Variants in GJB4 observed in about 807,000 individuals in gnomAD.
GJB4 encodes the protein gap junction beta-4 protein.
For missense variants in GJB4, 371 were observed against 363.8 expected (o/e 1.02, Z -0.16); for synonymous variants, 162 against 158.1 (o/e 1.02, Z -0.18).
rs1363451590 is a variant in GJB4, at chr1:34,762,003, C to G, written c.749C>G (p.Ser250Cys). 8 of 1,614,176 alleles carry G rather than the reference C, an allele frequency of 5.0e-6. No homozygotes were observed. Among genetic ancestry groups the G allele is most frequent in the Non-Finnish European group, 6.8e-6 (8 of 1,180,012 alleles). ...GGAGGGCACCCTGAGGATGGGAACT[C>G]TGTCCTAATGAAGGCTGGGTCGGCC... is the stretch of plus-strand genomic sequence containing the variant. Reference protein sequence around the residue: ...SQGGHPEDGNSVLMKAGSAPV... With the variant: ...SQGGHPEDGNCVLMKAGSAPV... The change falls in exon 2 of 2, where the codon TCT (serine) becomes TGT (cysteine). Residue 250 changes from serine to cysteine, a missense_variant. Physicochemically the swap from Ser to Cys is moderately radical, Grantham distance 112. Transcript: ENST00000339480.
At chr1:34,760,211 G>T (rs1035925142) in intron 1 of GJB4, among the ~76,000 whole-genome samples, 5 of 152,062 alleles carry the variant, frequency 3.3e-5, no homozygotes, top group Non-Finnish European at 4.4e-5. Flanking sequence ...TGAAGAGGCT[G>T]AGAGCAGAGT....
At position 34,762,172 on chromosome 1, in the gene GJB4, G is replaced by GA; in HGVS notation, c.*117_*118insA. The GA allele has an allele frequency of 1.9e-6, 2 of 1,076,090 alleles. No individual in the cohort carries two copies. The highest frequency in any genetic ancestry group is 2.8e-6 in the Non-Finnish European group (2 of 717,468). 66.7% of individuals were successfully genotyped at this position (1,076,090 alleles called of 1,614,324 possible). A position where few individuals can be genotyped will look rare whatever the true frequency, so the allele number is the denominator to read the frequency against. Reference sequence around the variant, plus strand: ...GGGTGGTGAGGAGGGTGGCTGTGGGGGCTCAGGAAGCTCGCCCAGGGGCCA... The same window carrying GA: ...GGGTGGTGAGGAGGGTGGCTGTGGGGAGCTCAGGAAGCTCGCCCAGGGGCCA... On this transcript the variant is annotated 3_prime_UTR_variant, in exon 2 of 2. Transcript: ENST00000339480.
Position 34,761,070 on chromosome 1 carries a change from C to T in GJB4, c.-185C>T. On this transcript the variant is annotated 5_prime_UTR_variant, in exon 2 of 2. Transcript: ENST00000339480. The surrounding 1 kb of genome is among the most constrained non-coding windows in gnomAD (Gnocchi z 4.4). Reference sequence around the variant, plus strand: ...GAAATGAGGACAGGGGCAATCCCTACCCTACCAAGTCATTGGGAGTGAAGA... The same window carrying T: ...GAAATGAGGACAGGGGCAATCCCTATCCTACCAAGTCATTGGGAGTGAAGA... The T allele has an allele frequency of 1.5e-6, 1 of 662,644 alleles. No individual in the cohort carries two copies. The highest frequency in any genetic ancestry group is 1.7e-5 in the South Asian group (1 of 58,430). 41.0% of individuals were successfully genotyped at this position (662,644 alleles called of 1,614,324 possible). A position where few individuals can be genotyped will look rare whatever the true frequency, so the allele number is the denominator to read the frequency against.
Position 34,761,791 on chromosome 1 carries a change from G to T in GJB4, c.537G>T (p.Arg179=). The change falls in exon 2 of 2, where the codon CGG becomes CGT. Residue 179 remains arginine (R), a synonymous_variant. Coordinates refer to ENST00000339480, the MANE Select transcript of GJB4 (RefSeq NM_153212.3). This position sits in a 1 kb window ranked among gnomAD's most constrained non-coding sequence, Gnocchi z 4.4. ...ACACTGTGGACTGTTACATCTCCCG[G>T]CCCACGGAGAAGAAGGTCTTCACCT... The part of the protein sequence containing the change: ...CPHTVDCYIS[R]PTEKKVFTYF... The T allele has an allele frequency of 6.2e-7, 1 of 1,614,100 alleles. No homozygotes were observed. The highest frequency in any genetic ancestry group is 8.5e-7 in the Non-Finnish European group (1 of 1,180,046).
intron 1 of GJB4, among the ~76,000 whole-genome samples, chr1:34,760,397 C>T (rs1571567294): frequency 6.6e-6 from 1 of 152,202 alleles, no homozygotes; most frequent in East Asian, 1.9e-4. Context: ...GGAGGGGGTG[C>T]CCCCAGAGAA....
At position 34,761,559 on chromosome 1, in the gene GJB4, A is replaced by C. The variant is rs1639715010; in HGVS notation, c.305A>C (p.Glu102Ala). The change falls in exon 2 of 2, where the codon GAG becomes GCG. Residue 102 changes from glutamate (E) to alanine (A), a missense_variant. Glu to Ala is a moderately radical substitution (Grantham distance 107). Coordinates refer to ENST00000339480, the MANE Select transcript of GJB4 (RefSeq NM_153212.3). The surrounding 1 kb of genome is among the most constrained non-coding windows in gnomAD (Gnocchi z 4.4). The stretch of plus-strand genomic sequence containing the variant: ...CACGTGGCCTACCGCGAGGAACGCG[A>C]GCGCAAGCACCACCTGAAACACGGG... Reference protein sequence around the residue: ...VMHVAYREERERKHHLKHGPN... With the variant: ...VMHVAYREERARKHHLKHGPN... The C allele has an allele frequency of 6.2e-7, 1 of 1,614,088 alleles. No individual in the cohort carries two copies. Among genetic ancestry groups the C allele is most frequent in the Non-Finnish European group, 8.5e-7 (1 of 1,180,046 alleles).
Position 34,761,335 on chromosome 1 carries a change from G to A in GJB4, c.81G>A (p.Val27=). 2 of 1,614,076 alleles carry A rather than the reference G, an allele frequency of 1.2e-6. No homozygotes were observed. Among genetic ancestry groups the A allele is most frequent in the Non-Finnish European group, 1.7e-6 (2 of 1,179,902 alleles). Residue 27 remains valine (V), a synonymous_variant, in exon 2 of 2, where the codon GTG becomes GTA. Transcript: ENST00000339480. The surrounding 1 kb of genome is among the most constrained non-coding windows in gnomAD (Gnocchi z 4.4). ...STVLSRIWLS[V]VFIFRVLVYV... ...TGCTGAGCCGCATCTGGCTGTCTGT[G>A]GTGTTCATCTTTCGTGTGCTGGTGT...
In GJB4 at chr1:34,761,562, G is replaced by C. The variant is rs371995549; in HGVS notation, c.308G>C (p.Arg103Pro). 4 of 1,614,196 alleles carry C rather than the reference G, an allele frequency of 2.5e-6. No homozygotes were observed. In the South Asian group the frequency reaches 4.4e-5, roughly 18 times the overall value. ...MHVAYREERE[R>P]KHHLKHGPNA... ...GTGGCCTACCGCGAGGAACGCGAGC[G>C]CAAGCACCACCTGAAACACGGGCCC... Residue 103 changes from arginine (R) to proline (P), a missense_variant, in exon 2 of 2, where the codon CGC (arginine) becomes CCC (proline). Coordinates refer to ENST00000339480, the MANE Select transcript of GJB4 (RefSeq NM_153212.3). This position sits in a 1 kb window ranked among gnomAD's most constrained non-coding sequence, Gnocchi z 4.4.
Position 34,759,758 on chromosome 1 carries a change from G to A in GJB4, c.-353G>A, listed in dbSNP as rs1247957962. 1 of 152,420 alleles carries A rather than the reference G, an allele frequency of 6.6e-6. No homozygotes were observed. The highest frequency in any genetic ancestry group is 2.4e-5 in the African/African-American group (1 of 41,452). 9.4% of individuals were successfully genotyped at this position (152,420 alleles called of 1,614,324 possible). On this transcript the variant is annotated 5_prime_UTR_variant, in exon 1 of 2. Transcript: ENST00000339480. ...CCTGAGGCAAACAGACAAGCCCAAG[G>A]ACAAGGAAGCAGCTACTGGACCCAA...
In GJB4 at chr1:34,761,033, C is replaced by A; in HGVS notation, c.-222C>A. 1 of 611,292 alleles carries A rather than the reference C, an allele frequency of 1.6e-6. No individual in the cohort carries two copies. Among genetic ancestry groups the A allele is most frequent in the Non-Finnish European group, 3.0e-6 (1 of 337,498 alleles). 37.9% of individuals were successfully genotyped at this position (611,292 alleles called of 1,614,324 possible). A position where few individuals can be genotyped will look rare whatever the true frequency, so the allele number is the denominator to read the frequency against. On this transcript the variant is annotated 5_prime_UTR_variant, in exon 2 of 2. Transcript: ENST00000339480. The surrounding 1 kb of genome is among the most constrained non-coding windows in gnomAD (Gnocchi z 4.4). ...TTGGGCAGGTATCTCTGGGCCTTCA[C>A]TTACTCTTTGTGAAATGAGGACAGG... is the stretch of plus-strand genomic sequence containing the variant.
rs766751826 is a variant in GJB4 at position 34,761,846 on chromosome 1, A to G, written c.592A>G (p.Ile198Val). The G allele has an allele frequency of 1.2e-6, 2 of 1,614,202 alleles. No homozygotes were observed. Among genetic ancestry groups the G allele is most frequent in the Non-Finnish European group, 1.7e-6 (2 of 1,180,036 alleles). ...CATGGTGACCACAGCTGCCATCTGC[A>G]TCCTGCTCAACCTCAGTGAAGTCTT... The part of the protein sequence containing the change: ...YFMVTTAAIC[I>V]LLNLSEVFYL... Residue 198 changes from isoleucine to valine, a missense_variant, in exon 2 of 2, where the codon ATC becomes GTC. Transcript: ENST00000339480. The surrounding 1 kb of genome is among the most constrained non-coding windows in gnomAD (Gnocchi z 4.4).
rs1244502166 is a variant in GJB4 at position 34,761,008 on chromosome 1, T to C, written c.-247T>C. On this transcript the variant is annotated 5_prime_UTR_variant, in exon 2 of 2. Coordinates refer to ENST00000339480, the MANE Select transcript of GJB4 (RefSeq NM_153212.3). This position sits in a 1 kb window ranked among gnomAD's most constrained non-coding sequence, Gnocchi z 4.4. ...CTCTGCTACTTCCATCTGTGGACCA[T>C]TGGGCAGGTATCTCTGGGCCTTCAC... The C allele has an allele frequency of 2.8e-5, 16 of 579,748 alleles. No homozygotes were observed. Among genetic ancestry groups the C allele is most frequent in the Middle Eastern group, 4.5e-4 (1 of 2,202 alleles). The allele number at this position is 579,748 out of a possible 1,614,324, so 35.9% of individuals were successfully genotyped here. A position where few individuals can be genotyped will look rare whatever the true frequency, so the allele number is the denominator to read the frequency against.
In GJB4 at chr1:34,762,110, GA is replaced by G; in HGVS notation, c.*61del. ...GTCCCCCCCACATGAGGCCACCCAG[GA>G]AAAAAGGCAGGGGCAGTGGCATCCT... is the stretch of plus-strand genomic sequence containing the variant. On this transcript the variant is annotated 3_prime_UTR_variant, in exon 2 of 2. Transcript: ENST00000339480. 4 of 1,515,310 alleles carry G rather than the reference GA, an allele frequency of 2.6e-6. No individual in the cohort carries two copies. The highest frequency in any genetic ancestry group is 3.6e-6 in the Non-Finnish European group (4 of 1,111,430). 93.9% of individuals were successfully genotyped at this position (1,515,310 alleles called of 1,614,324 possible). A position where few individuals can be genotyped will look rare whatever the true frequency, so the allele number is the denominator to read the frequency against.
Position 34,761,821 on chromosome 1 carries a change from C to T in GJB4, c.567C>T (p.Phe189=), listed in dbSNP as rs1329679147. Residue 189 remains phenylalanine, a synonymous_variant, in exon 2 of 2, where the codon TTC becomes TTT. Transcript: ENST00000339480. The surrounding 1 kb of genome is among the most constrained non-coding windows in gnomAD (Gnocchi z 4.4). ...CGGAGAAGAAGGTCTTCACCTACTT[C>T]ATGGTGACCACAGCTGCCATCTGCA... The part of the protein sequence containing the change: ...RPTEKKVFTY[F]MVTTAAICIL... The T allele has an allele frequency of 6.2e-7, 1 of 1,614,186 alleles. No individual in the cohort carries two copies. Among genetic ancestry groups the T allele is most frequent in the Admixed American group, 1.7e-5 (1 of 60,028 alleles).
rs754084874 is a variant in GJB4, at chr1:34,761,333, G to C, written c.79G>C (p.Val27Leu). 6.2e-7 allele frequency: 1 copy of C among 1,614,062 alleles called. No homozygotes were observed. Among genetic ancestry groups the C allele is most frequent in the Non-Finnish European group, 8.5e-7 (1 of 1,179,884 alleles). ...AGTGCTGAGCCGCATCTGGCTGTCT[G>C]TGGTGTTCATCTTTCGTGTGCTGGT... is the stretch of plus-strand genomic sequence containing the variant. ...STVLSRIWLS[V>L]VFIFRVLVYV... The change falls in exon 2 of 2, where the codon GTG becomes CTG. Residue 27 changes from valine (V) to leucine (L), a missense_variant. Transcript: ENST00000339480. This position sits in a 1 kb window ranked among gnomAD's most constrained non-coding sequence, Gnocchi z 4.4.
rs762156674 is a variant in GJB4, at chr1:34,762,066, C to A, written c.*11C>A. On this transcript the variant is annotated 3_prime_UTR_variant, in exon 2 of 2. Transcript: ENST00000339480. ...GGTGGGTATCCATAACCTGCGAGAT[C>A]AGCAGATAAGATCAACAGGTCCCCC... 11 of 1,605,396 alleles carry A rather than the reference C, an allele frequency of 6.9e-6. No homozygotes were observed. Among genetic ancestry groups the A allele is most frequent in the Non-Finnish European group, 9.4e-6 (11 of 1,175,564 alleles).
rs190430492 is a variant in GJB4, at chr1:34,760,645, A to T, written c.-322-288A>T. ...CTGGAGCCAGAGGCAAGGAGTAAGG[A>T]TGCAGATTGTTCTGGGATTTACCAA... On this transcript the variant is annotated intron_variant, in intron 1 of 1. Transcript: ENST00000339480. Among the ~76,000 whole-genome samples, 3 of 152,304 alleles carry T rather than the reference A, an allele frequency of 2.0e-5. No individual in the cohort carries two copies. The East Asian group carries it at 5.8e-4, about 29-fold the overall frequency.
rs140996335 is a variant in GJB4 at position 34,761,625 on chromosome 1, G to C, written c.371G>C (p.Arg124Pro). ...CTGTACGACAACCTGAGCAAGAAGC[G>C]GGGCGGACTGTGGTGGACGTACTTG... Reference protein sequence around the residue: ...PSLYDNLSKKRGGLWWTYLLS... With the variant: ...PSLYDNLSKKPGGLWWTYLLS... The change falls in exon 2 of 2, where the codon CGG (arginine) becomes CCG (proline). Residue 124 changes from arginine to proline, a missense_variant. Transcript: ENST00000339480. The surrounding 1 kb of genome is among the most constrained non-coding windows in gnomAD (Gnocchi z 4.4). 6.2e-7 allele frequency: 1 copy of C among 1,614,220 alleles called. No individual in the cohort carries two copies. Among genetic ancestry groups the C allele is most frequent in the Non-Finnish European group, 8.5e-7 (1 of 1,180,032 alleles).
In GJB4 at chr1:34,762,086, T is replaced by C. The variant is rs1639734997; in HGVS notation, c.*31T>C. ...GAGATCAGCAGATAAGATCAACAGG[T>C]CCCCCCCACATGAGGCCACCCAGGA... is the stretch of plus-strand genomic sequence containing the variant. On this transcript the variant is annotated 3_prime_UTR_variant, in exon 2 of 2. Transcript: ENST00000339480. 3 of 1,576,684 alleles carry C rather than the reference T, an allele frequency of 1.9e-6. No individual in the cohort carries two copies. The highest frequency in any genetic ancestry group is 2.6e-6 in the Non-Finnish European group (3 of 1,158,514).
Sources: allele counts gnomAD v4.1 joint callset (sites outside exome capture counted in the v4.1 genomes callset), GRCh38; gene constraint gnomAD v4.1.1; non-coding constraint Gnocchi (gnomAD v3.1); transcripts MANE v1.5; gene names NCBI Gene and HGNC (gene_info 2026-07-23, HGNC 2026-07-21).